PLPBP: variants seen among roughly 807,000 people sequenced by gnomAD.
PLPBP encodes pyridoxal phosphate homeostasis protein.
PLPBP carries 21 observed loss-of-function variants against 31.2 expected under a neutral mutation model. The observed-to-expected ratio is 0.67, with a 90% confidence interval of 0.48 to 0.97. PLPBP has a LOEUF of 0.97. PLPBP is among the 50% of genes least tolerant of loss of function. The probability of loss-of-function intolerance (pLI) is 0.00; values close to 1 mark genes in which losing one functional copy is unlikely to be tolerated. For missense variants in PLPBP, 308 were observed against 354.4 expected, an observed-to-expected ratio of 0.87 and a Z score of 1.05; for synonymous variants, 124 against 135.6, an observed-to-expected ratio of 0.91 and a Z score of 0.59.
At chr8:37,776,967 G>A (rs566689521) in intron 7 of PLPBP, among the ~76,000 whole-genome samples, 13 of 152,230 alleles carry the variant, frequency 8.5e-5, no homozygotes, top group African/African-American at 2.9e-4. Context: ...GGGTTTCACC[G>A]TATTGGCCAG....
At position 37,765,763 on chromosome 8, in the gene PLPBP, A is replaced by G. The variant is rs767888091; in HGVS notation, c.243+17A>G. 3.1e-6 allele frequency: 5 copies of G among 1,605,350 alleles called. No homozygotes were observed. The highest frequency in any genetic ancestry group is 4.2e-6 in the Non-Finnish European group (5 of 1,177,942). Reference sequence around the variant, plus strand: ...AATCCCAAAGTAAGTAGATAGCTGAATTCTTTAATTTGTATCTAAATCTTG... The same window carrying G: ...AATCCCAAAGTAAGTAGATAGCTGAGTTCTTTAATTTGTATCTAAATCTTG... On this transcript the variant is annotated intron_variant, in intron 3 of 7. Transcript: ENST00000328195.
intron 4 of PLPBP, 151 bp downstream of exon 4, chr8:37,766,506 G>C (rs949939489): frequency 7.7e-7 from 1 of 1,304,478 alleles, no homozygotes; most frequent in Non-Finnish European, 9.8e-7. Flanking sequence ...TTAATAAAAA[G>C]AGAAAACATC....
chr8:37,767,799 CTTTT>C (rs1175107737), intron 4 of PLPBP, among the ~76,000 whole-genome samples: 3 of 98,928 alleles, frequency 3.0e-5, no homozygotes, highest in East Asian at 2.8e-4. Flanking sequence ...CTTTTATTTA[CTTTT>C]TTTTTTTTTT....
At chr8:37,773,974 G>A (rs1424268965) in intron 5 of PLPBP, among the ~76,000 whole-genome samples, 2 of 152,116 alleles carry the variant, frequency 1.3e-5, no homozygotes, top group African/African-American at 4.8e-5. Context: ...ACTTGGGAAG[G>A]CTGAGGCAGG....
rs748239907 is a variant in PLPBP, at chr8:37,776,390, C to T, written c.696+374C>T. On this transcript the variant is annotated intron_variant, in intron 7 of 7. Coordinates refer to ENST00000328195, the MANE Select transcript of PLPBP (RefSeq NM_007198.4). ...ACTCAGGAGGCTGAGGCAGGAGAAT[C>T]GCTTGAACCCAGGAGGCGGAGATTG... Among the ~76,000 whole-genome samples the T allele has an allele frequency of 4.7e-4, 70 of 148,904 alleles. 1 individual carries two copies. Among genetic ancestry groups the T allele is most frequent in the Middle Eastern group, 3.4e-3 (1 of 290 alleles).
chr8:37,767,401 G>A (rs371405142), intron 4 of PLPBP, among the ~76,000 whole-genome samples: 15 of 152,226 alleles, frequency 9.9e-5, no homozygotes, highest in Middle Eastern at 3.4e-3. Context: ...GTTAATGTAC[G>A]TGAGTTTACA....
chr8:37,771,681 G>C (rs1803772900), intron 4 of PLPBP, among the ~76,000 whole-genome samples: 1 of 152,052 alleles, frequency 6.6e-6, no homozygotes, highest in Non-Finnish European at 1.5e-5. Context: ...GCTCTTGCAG[G>C]CTGGGCACAG....
Position 37,766,273 on chromosome 8 carries a change from C to T in PLPBP, c.244-7C>T. The T allele has an allele frequency of 6.2e-7, 1 of 1,600,714 alleles. No individual in the cohort carries two copies. Among genetic ancestry groups the T allele is most frequent in the Non-Finnish European group, 8.5e-7 (1 of 1,174,008 alleles). ...TGAATTACACATGGTTACCTTTTTC[C>T]CCTCAGATTCTGTCTTTGTGTCCTG... On this transcript the variant is annotated splice_polypyrimidine_tract_variant and splice_region_variant and intron_variant, in intron 3 of 7. Transcript: ENST00000328195.
At chr8:37,767,914 T>C (rs1157894041) in intron 4 of PLPBP, among the ~76,000 whole-genome samples, 1 of 148,096 alleles carries the variant, frequency 6.8e-6, no homozygotes, top group Non-Finnish European at 1.5e-5. Context: ...CAAGCGATTC[T>C]CCTGCCTCAG....
At chr8:37,775,866 G>T in intron 6 of PLPBP, 52 bp from the exon 7 acceptor site, 2 of 1,479,454 alleles carry the variant, frequency 1.4e-6, no homozygotes, top group Admixed American at 1.7e-5. Context: ...AGACACTTTT[G>T]GGCATCGTTA....
At chr8:37,763,115 A>G (rs961092780) in intron 1 of PLPBP, among the ~76,000 whole-genome samples, 3 of 152,148 alleles carry the variant, frequency 2.0e-5, no homozygotes, top group African/African-American at 7.2e-5. Flanking sequence ...CGGGGGTACA[A>G]GAGCACCCCG....
chr8:37,765,667 T>G (rs1803606463), intron 2 of PLPBP, 34 bp downstream of exon 2: 1 of 1,614,128 alleles, frequency 6.2e-7, no homozygotes, highest in African/African-American at 1.3e-5. Context: ...TTTGGAAGCA[T>G]CATGATTGCC....
intron 5 of PLPBP, among the ~76,000 whole-genome samples, chr8:37,774,689 C>G (rs1803857355): frequency 6.6e-6 from 1 of 152,172 alleles, no homozygotes. Flanking sequence ...AATCTGAAAT[C>G]AACTATAGGT....
chr8:37,777,195 GA>G, intron 7 of PLPBP, among the ~76,000 whole-genome samples: 1 of 152,284 alleles, frequency 6.6e-6, no homozygotes, highest in Admixed American at 6.5e-5. Context: ...CAAATAACTT[GA>G]TAAAGTTTCA....
At position 37,767,019 on chromosome 8, in the gene PLPBP, A is replaced by C. The variant is rs575980288; in HGVS notation, c.319+664A>C. ...CCAAGATCACGCCACTGCACTCCAG[A>C]CTAGGTAACAGAGCAAGACTTCATC... On this transcript the variant is annotated intron_variant, in intron 4 of 7. Coordinates refer to ENST00000328195, the MANE Select transcript of PLPBP (RefSeq NM_007198.4). 6.1e-4 allele frequency among the ~76,000 whole-genome samples: 89 copies of C among 145,432 alleles called. 2 individuals carry two copies. The South Asian group carries it at 0.013, about 22-fold the overall frequency.
At chr8:37,766,863 G>A (rs770164150) in intron 4 of PLPBP, 8 of 161,590 alleles carry the variant, frequency 5.0e-5, no homozygotes, top group African/African-American at 7.2e-5. Flanking sequence ...GGCCAACATG[G>A]TGAAACCCCA....
At chr8:37,764,330 GTTTTA>G (rs1456893625) in intron 1 of PLPBP, among the ~76,000 whole-genome samples, 1 of 145,174 alleles carries the variant, frequency 6.9e-6, no homozygotes, top group Non-Finnish European at 1.5e-5. Flanking sequence ...GTTGTTTTTT[GTTTTA>G]TTTTGAGACG....
chr8:37,765,499 C>T (rs777186690), intron 1 of PLPBP, 27 bp from the exon 2 acceptor site: 2 of 1,598,502 alleles, frequency 1.3e-6, no homozygotes, highest in Non-Finnish European at 1.7e-6. Flanking sequence ...CAAACATTCA[C>T]TCATATGGCT....
At chr8:37,769,062 CA>C (rs1437034657) in intron 4 of PLPBP, among the ~76,000 whole-genome samples, 1 of 152,128 alleles carries the variant, frequency 6.6e-6, no homozygotes, top group Non-Finnish European at 1.5e-5. Flanking sequence ...AGGCCAGGCA[CA>C]GTGGCTCACA....
Sources: allele counts gnomAD v4.1 joint callset (sites outside exome capture counted in the v4.1 genomes callset), GRCh38; gene constraint gnomAD v4.1.1; transcripts MANE v1.5; gene names NCBI Gene and HGNC (gene_info 2026-07-23, HGNC 2026-07-21).